Variants in TACC1 observed in about 807,000 individuals in gnomAD.
TACC1 encodes transforming acidic coiled-coil-containing protein 1.
TACC1 carries 48 observed loss-of-function variants against 84.4 expected under a neutral mutation model. That is an observed-to-expected ratio of 0.57 (90% CI 0.45 to 0.72). The LOEUF (loss-of-function observed/expected upper bound fraction) is 0.72. Ranked by LOEUF, TACC1 falls within the 30% of genes least tolerant of loss-of-function variation. The pLI, the probability that TACC1 is intolerant of heterozygous loss-of-function variation, is 0.00. For missense variants in TACC1, 920 were observed against 973.0 expected, an observed-to-expected ratio of 0.95 and a Z score of 0.72; for synonymous variants, 372 against 376.3, an observed-to-expected ratio of 0.99 and a Z score of 0.13.
intron 12 of TACC1, among the ~76,000 whole-genome samples, chr8:38,847,472 G>T (rs1304246503): frequency 6.6e-6 from 1 of 152,174 alleles, no homozygotes; most frequent in Non-Finnish European, 1.5e-5. Context: ...TATGTCTCCG[G>T]TGTATTTTCT....
In TACC1 at chr8:38,802,925, C is replaced by A. The variant is rs1821741051; in HGVS notation, c.277+14106C>A. 1.3e-5 allele frequency among the ~76,000 whole-genome samples: 2 copies of A among 152,192 alleles called. 1 individual carries two copies. Among genetic ancestry groups the A allele is most frequent in the Non-Finnish European group, 2.9e-5 (2 of 68,030 alleles). On this transcript the variant is annotated intron_variant, in intron 2 of 12. Transcript: ENST00000317827. ...CCAGACACCTCCCACTAGGCCTCACCTACAACACTGGGAATCAAATTTTAA... is the reference window on the plus strand; with the variant it reads ...CCAGACACCTCCCACTAGGCCTCACATACAACACTGGGAATCAAATTTTAA...
chr8:38,847,786 G>T (rs1257741445), intron 12 of TACC1, among the ~76,000 whole-genome samples, 169 bp from the exon 13 acceptor site: 1 of 152,216 alleles, frequency 6.6e-6, no homozygotes, highest in Non-Finnish European at 1.5e-5. Context: ...TACATTTTTT[G>T]AGGTGTGTAG....
intron 8 of TACC1, 109 bp downstream of exon 8, chr8:38,838,655 CT>C: frequency 1.1e-6 from 1 of 869,816 alleles, no homozygotes; most frequent in Admixed American, 2.2e-5. Context: ...GTGTTGAGAG[CT>C]TGAGGGCTTT....
At chr8:38,833,970 C>T (rs1829753270) in intron 6 of TACC1, among the ~76,000 whole-genome samples, 1 of 152,162 alleles carries the variant, frequency 6.6e-6, no homozygotes, top group Non-Finnish European at 1.5e-5. Context: ...GTAAAAGTTT[C>T]TTGATAAGAA....
In TACC1 at chr8:38,827,184, T is replaced by A; in HGVS notation, c.1469T>A (p.Ile490Asn). 6.2e-7 allele frequency: 1 copy of A among 1,613,668 alleles called. No individual in the cohort carries two copies. Among genetic ancestry groups the A allele is most frequent in the Non-Finnish European group, 8.5e-7 (1 of 1,179,966 alleles). ...DACSRDEGAVISQISDISNRD... is the reference protein window; with the variant it reads ...DACSRDEGAVNSQISDISNRD... ...GTTTCTCAGGATGAAGGGGCAGTGA[T>A]CTCCCAGATTTCAGACATTTCTAAT... The change falls in exon 5 of 13, where the codon ATC becomes AAC. Residue 490 changes from isoleucine to asparagine, a missense_variant. Ile to Asn is a moderately radical substitution (Grantham distance 149). Around this residue, in one of 2 missense-constraint regions of TACC1, gnomAD observed 762 missense variants for 747.3 expected, o/e 1.02. Transcript: ENST00000317827.
chr8:38,851,526 G>C lies in TACC1; in HGVS notation c.*3503G>C, dbSNP rs1833084881. ...TGGTTAAGTCTGTGTATACTGAGTT[G>C]GAAGTGATTTCAGCACATTCTTTTT... On this transcript the variant is annotated 3_prime_UTR_variant, in exon 13 of 13. Transcript: ENST00000317827. 5.3e-6 allele frequency: 1 copy of C among 188,210 alleles called. No individual in the cohort carries two copies. The highest frequency in any genetic ancestry group is 1.1e-5 in the Non-Finnish European group (1 of 88,288). 11.7% of individuals were successfully genotyped at this position (188,210 alleles called of 1,614,324 possible). A position where few individuals can be genotyped will look rare whatever the true frequency, so the allele number is the denominator to read the frequency against.
At chr8:38,830,585 A>G (rs930979780) in intron 5 of TACC1, among the ~76,000 whole-genome samples, 6 of 152,170 alleles carry the variant, frequency 3.9e-5, no homozygotes, top group African/African-American at 1.4e-4. Context: ...GTTATTTTAA[A>G]TGTCATCCTC....
At chr8:38,756,420 C>A (rs1047142127) in intron 3 of TACC1, among the ~76,000 whole-genome samples, 1 of 151,876 alleles carries the variant, frequency 6.6e-6, no homozygotes, top group Non-Finnish European at 1.5e-5. Flanking sequence ...CTGGAAAAAG[C>A]GCTAGAATAA....
chr8:38,802,975 T>C (rs925081546), intron 2 of TACC1, among the ~76,000 whole-genome samples: 1 of 152,196 alleles, frequency 6.6e-6, no homozygotes, highest in African/African-American at 2.4e-5. Context: ...GGGACAAATA[T>C]CCGAACTACA....
At chr8:38,792,980 G>A (rs1819094106) in intron 2 of TACC1, among the ~76,000 whole-genome samples, 1 of 152,118 alleles carries the variant, frequency 6.6e-6, no homozygotes. Context: ...ACTGCAGTGG[G>A]TGCCCTCTGC....
At chr8:38,766,276 A>G (rs1812231971) in intron 3 of TACC1, among the ~76,000 whole-genome samples, 1 of 152,274 alleles carries the variant, frequency 6.6e-6, no homozygotes, top group Admixed American at 6.5e-5. Context: ...CAATTGTACA[A>G]TAGTACAGTT....
Position 38,820,507 on chromosome 8 carries a change from CTT to C in TACC1, c.1265_1266del (p.Phe422Ter). 1.2e-6 allele frequency: 2 copies of C among 1,614,216 alleles called. No homozygotes were observed. Among genetic ancestry groups the C allele is most frequent in the Non-Finnish European group, 1.7e-6 (2 of 1,180,040 alleles). ...GCTCCTACCACTTTGACCCAGATAA[CTT>C]TGACGAATCCATGGATCCCTTTAAA... ...EGSYHFDPDN[F>X]DESMDPFKPT... On this transcript the variant is annotated frameshift_variant, in exon 3 of 13. Coordinates refer to ENST00000317827, the MANE Select transcript of TACC1 (RefSeq NM_006283.3). LOFTEE classifies it high-confidence loss of function.
chr8:38,812,304 C>A (rs1824373802), intron 2 of TACC1, among the ~76,000 whole-genome samples: 1 of 151,922 alleles, frequency 6.6e-6, no homozygotes, highest in Admixed American at 6.6e-5. Context: ...TGTTCGTACA[C>A]CCCCTCCCCT....
At chr8:38,752,369 G>A (rs1809202949) in intron 3 of TACC1, among the ~76,000 whole-genome samples, 2 of 152,104 alleles carry the variant, frequency 1.3e-5, no homozygotes, top group Admixed American at 6.5e-5. Flanking sequence ...TACTCGGGAG[G>A]CTGAGGGAGG....
chr8:38,848,688 G>A lies in TACC1; in HGVS notation c.*665G>A, dbSNP rs967490840. 2.0e-5 allele frequency: 3 copies of A among 152,546 alleles called. No homozygotes were observed. Among genetic ancestry groups the A allele is most frequent in the African/African-American group, 7.2e-5 (3 of 41,444 alleles). The allele number at this position is 152,546 out of a possible 1,614,324, so 9.4% of individuals were successfully genotyped here. On this transcript the variant is annotated 3_prime_UTR_variant, in exon 13 of 13. Transcript: ENST00000317827. ...AGAACACCAACTTAAGAATTTGGGG[G>A]ATTAAAGATGTGAAGACCACAGTCT...
At chr8:38,838,788 C>G (rs1423349684) in intron 8 of TACC1, among the ~76,000 whole-genome samples, 3 of 152,114 alleles carry the variant, frequency 2.0e-5, no homozygotes, top group Non-Finnish European at 2.9e-5. Context: ...GTAAACAGAA[C>G]CCACATAATT....
chr8:38,747,561 T>C (rs551333723), intron 3 of TACC1, among the ~76,000 whole-genome samples: 1 of 152,326 alleles, frequency 6.6e-6, no homozygotes, highest in Admixed American at 6.5e-5. Context: ...CATGGAGGAA[T>C]GTTAAATGCA....
rs374553789 is a variant in TACC1, at chr8:38,820,513, C to T, written c.1269C>T (p.Asp423=). ...GSYHFDPDNF[D]ESMDPFKPTT... is the part of the protein sequence containing the mutation. Reference sequence around the variant, plus strand: ...ACCACTTTGACCCAGATAACTTTGACGAATCCATGGATCCCTTTAAACCAA... The same window carrying T: ...ACCACTTTGACCCAGATAACTTTGATGAATCCATGGATCCCTTTAAACCAA... Residue 423 remains aspartate (D), a synonymous_variant, in exon 3 of 13, where the codon GAC becomes GAT. Coordinates refer to ENST00000317827, the MANE Select transcript of TACC1 (RefSeq NM_006283.3). The T allele has an allele frequency of 1.6e-5, 26 of 1,614,062 alleles. No individual in the cohort carries two copies. Among genetic ancestry groups the T allele is most frequent in the Middle Eastern group, 1.6e-4 (1 of 6,084 alleles).
At chr8:38,787,210 T>G (rs930991564), upstream of TACC1, 3 of 992,036 alleles carry the variant, frequency 3.0e-6, no homozygotes, top group African/African-American at 1.7e-5. Flanking sequence ...CGGCAGCTGA[T>G]GCGCGCCCCG....
Sources: gnomAD v4.1 joint callset for allele counts (sites outside exome capture counted in the v4.1 genomes callset) on GRCh38, gnomAD v4.1.1 for gene constraint, gnomAD v4.1.1 regional missense constraint, MANE v1.5 for transcripts, NCBI Gene and HGNC (gene_info 2026-07-23, HGNC 2026-07-21) for gene names.